Variants in CATSPER4 observed in about 807,000 individuals in gnomAD.
CATSPER4 encodes cation channel sperm-associated protein 4.
CATSPER4 carries 46 observed loss-of-function variants against 54.4 expected under a neutral mutation model. That is an observed-to-expected ratio of 0.84 (90% CI 0.67 to 1.08). CATSPER4 has a LOEUF of 1.08. Among genes scored for constraint, CATSPER4 ranks in the 50% least tolerant of loss-of-function variants. The pLI is 0.00. For missense variants in CATSPER4, 574 were observed against 612.8 expected (o/e 0.94, Z 0.67); for synonymous variants, 230 against 231.9 (o/e 0.99, Z 0.08).
chr1:26,198,294 C>T lies in CATSPER4; in HGVS notation c.687C>T (p.Ser229=), dbSNP rs1396495212. Residue 229 remains serine (S), a synonymous_variant, in exon 6 of 10, where the codon TCC becomes TCT. Transcript: ENST00000456354. The part of the protein sequence containing the change: ...VLILFFMLVF[S]VFGVTLFGAF... ...TCTTTTCTCTCTGACAGGTTTTTTC[C>T]GTGTTTGGAGTAACACTCTTTGGTG... 3.7e-6 allele frequency: 6 copies of T among 1,614,132 alleles called. No homozygotes were observed. Among genetic ancestry groups the T allele is most frequent in the South Asian group, 1.1e-5 (1 of 91,086 alleles).
chr1:26,197,813 G>A (rs753127531), intron 4 of CATSPER4, 30 bp downstream of exon 4: 1 of 1,606,384 alleles, frequency 6.2e-7, no homozygotes, highest in South Asian at 1.1e-5. Context: ...GAAATGAGGG[G>A]GACCTATCTG....
Position 26,202,678 on chromosome 1 carries a change from G to A in CATSPER4, c.*136G>A. 1.2e-6 allele frequency: 1 copy of A among 813,818 alleles called. No individual in the cohort carries two copies. Among genetic ancestry groups the A allele is most frequent in the Non-Finnish European group, 2.1e-6 (1 of 483,112 alleles). 50.4% of individuals were successfully genotyped at this position (813,818 alleles called of 1,614,324 possible). On this transcript the variant is annotated 3_prime_UTR_variant, in exon 10 of 10. Coordinates refer to ENST00000456354, the MANE Select transcript of CATSPER4 (RefSeq NM_198137.2). Reference sequence around the variant, plus strand: ...TACCTGGGCAGAGGCCAGGGGCTGTGAAGGTGGCAGCACCTGCAGGTCTGG... The same window carrying A: ...TACCTGGGCAGAGGCCAGGGGCTGTAAAGGTGGCAGCACCTGCAGGTCTGG...
At chr1:26,202,348 T>C in intron 9 of CATSPER4, 141 bp from the exon 10 acceptor site, 1 of 749,646 alleles carries the variant, frequency 1.3e-6, no homozygotes, top group Admixed American at 2.0e-5. Flanking sequence ...GAGGGGGTAC[T>C]AGGTAGGCTC....
At chr1:26,202,445 T>C (rs766134334) in intron 9 of CATSPER4, 44 bp from the exon 10 acceptor site, 1 of 1,570,910 alleles carries the variant, frequency 6.4e-7, no homozygotes, top group Non-Finnish European at 8.7e-7. Flanking sequence ...GGCTGCCATA[T>C]CGGGGGGAGT....
At chr1:26,200,800 C>G (rs1176081762) in intron 7 of CATSPER4, 30 bp from the exon 8 acceptor site, 4 of 1,590,744 alleles carry the variant, frequency 2.5e-6, no homozygotes, top group East Asian at 4.5e-5. Context: ...CCTGAGCTGT[C>G]CCGACCCCTC....
At chr1:26,194,811 CTGCAGTGGCTCA>C (rs1447252507) in intron 3 of CATSPER4, among the ~76,000 whole-genome samples, 2 of 152,024 alleles carry the variant, frequency 1.3e-5, no homozygotes, top group Non-Finnish European at 2.9e-5. Context: ...TTCTTGCTGG[CTGCAGTGGCTCA>C]TGCCTGTAAT....
At chr1:26,201,232 C>A in intron 8 of CATSPER4, 122 bp from the exon 9 acceptor site, 1 of 1,124,250 alleles carries the variant, frequency 8.9e-7, no homozygotes, top group South Asian at 1.3e-5. Flanking sequence ...GGGCACAGCT[C>A]GGCCTGGGTC....
At chr1:26,193,635 T>G (rs2088895866) in intron 2 of CATSPER4, 152 bp from the exon 3 acceptor site, 1 of 697,044 alleles carries the variant, frequency 1.4e-6, no homozygotes, top group Non-Finnish European at 2.6e-6. Context: ...ACAGGCAAAG[T>G]GTGTTTTAAA....
At chr1:26,191,925 G>T (rs140844699) in intron 2 of CATSPER4, among the ~76,000 whole-genome samples, 1 of 152,204 alleles carries the variant, frequency 6.6e-6, no homozygotes, top group African/African-American at 2.4e-5. Context: ...CTGGCTTCCT[G>T]GAGAAAGTGA....
chr1:26,200,433 A>G (rs1437452185), intron 7 of CATSPER4, among the ~76,000 whole-genome samples: 1 of 152,188 alleles, frequency 6.6e-6, no homozygotes, highest in African/African-American at 2.4e-5. Flanking sequence ...TAAGCACTCA[A>G]TAAATGTTAG....
intron 3 of CATSPER4, among the ~76,000 whole-genome samples, chr1:26,194,468 T>G (rs955708753): frequency 6.6e-6 from 1 of 152,274 alleles, no homozygotes; most frequent in Non-Finnish European, 1.5e-5. Context: ...TCTTCTTGTC[T>G]CTCCCAGGCT....
intron 3 of CATSPER4, among the ~76,000 whole-genome samples, chr1:26,195,508 T>TC (rs749682586): frequency 2.0e-5 from 3 of 148,786 alleles, no homozygotes; most frequent in Non-Finnish European, 4.5e-5. Flanking sequence ...TTCTTTTTCT[T>TC]TTTTTTTTTT....
intron 3 of CATSPER4, among the ~76,000 whole-genome samples, chr1:26,197,187 T>C (rs1444581858): frequency 6.6e-6 from 1 of 152,192 alleles, no homozygotes; most frequent in Non-Finnish European, 1.5e-5. Flanking sequence ...ATTACAGGTG[T>C]GAGCCATCGC....
At chr1:26,201,115 T>A in intron 8 of CATSPER4, 74 bp downstream of exon 8, 1 of 1,254,446 alleles carries the variant, frequency 8.0e-7, no homozygotes, top group African/African-American at 1.5e-5. Flanking sequence ...TCTTCTGGCC[T>A]CACGCCCTCA....
intron 3 of CATSPER4, among the ~76,000 whole-genome samples, chr1:26,196,863 T>A (rs1482858844): frequency 6.6e-6 from 1 of 152,054 alleles, no homozygotes; most frequent in African/African-American, 2.4e-5. Context: ...AGTGTCTTAT[T>A]GGACAAAGGG....
At chr1:26,191,104 C>T (rs1161449761) in intron 1 of CATSPER4, among the ~76,000 whole-genome samples, 183 bp from the exon 2 acceptor site, 1 of 152,140 alleles carries the variant, frequency 6.6e-6, no homozygotes, top group Non-Finnish European at 1.5e-5. Flanking sequence ...CCGATAGTAA[C>T]CCACTTTTAG....
At position 26,191,276 on chromosome 1, in the gene CATSPER4, C is replaced by A. The variant is rs1388315256; in HGVS notation, c.214-11C>A. ...GACACCTGCCTGAAGGAAGGTCCTG[C>A]CCTCTTCCAGGACGCCTGGGACATG... On this transcript the variant is annotated splice_polypyrimidine_tract_variant and intron_variant, in intron 1 of 9. Transcript: ENST00000456354. 3 of 1,613,834 alleles carry A rather than the reference C, an allele frequency of 1.9e-6. No homozygotes were observed. Among genetic ancestry groups the A allele is most frequent in the South Asian group, 1.1e-5 (1 of 91,054 alleles).
chr1:26,201,162 C>T (rs1204219898), intron 8 of CATSPER4, 121 bp downstream of exon 8: 7 of 997,526 alleles, frequency 7.0e-6, no homozygotes, highest in African/African-American at 1.6e-5. Flanking sequence ...CACAGAGGTC[C>T]CCCACCCTAT....
chr1:26,201,373 G>T lies in CATSPER4; in HGVS notation c.1219G>T (p.Ala407Ser), dbSNP rs145608675. 8.4e-5 allele frequency: 135 copies of T among 1,613,978 alleles called. No individual in the cohort carries two copies. Among genetic ancestry groups the T allele is most frequent in the African/African-American group, 1.6e-4 (12 of 74,926 alleles). ...CCCCAGGATTGTGGAGGAGGTGCGC[G>T]CAATCCGCTTCAACCAGGAGCAGGA... Reference protein sequence around the residue: ...ELNMIVEEVRAIRFNQEQESE... With the variant: ...ELNMIVEEVRSIRFNQEQESE... The change falls in exon 9 of 10, where the codon GCA (alanine) becomes TCA (serine). Residue 407 changes from alanine to serine, a missense_variant. Transcript: ENST00000456354.
Sources: gnomAD v4.1 joint callset for allele counts (sites outside exome capture counted in the v4.1 genomes callset) on GRCh38, gnomAD v4.1.1 for gene constraint, MANE v1.5 for transcripts, NCBI Gene and HGNC (gene_info 2026-07-23, HGNC 2026-07-21) for gene names.